Variants in DAGLA observed in about 807,000 individuals in gnomAD.
The protein encoded by DAGLA is diacylglycerol lipase alpha.
Under a neutral mutation model 102.6 loss-of-function variants are expected in DAGLA, and 22 were observed. The observed-to-expected ratio is 0.21, with a 90% CI of 0.15 to 0.31. The LOEUF is 0.31. DAGLA is among the 10% of genes least tolerant of loss of function. The pLI is 1.00. For synonymous variants in DAGLA, 578 were observed against 628.9 expected (o/e 0.92, Z 1.21); for missense variants, 927 against 1,446.6 (o/e 0.64, Z 5.83).
chr11:61,713,666 G>A (rs1427393317), intron 1 of DAGLA, among the ~76,000 whole-genome samples: 1 of 152,220 alleles, frequency 6.6e-6, no homozygotes, highest in Non-Finnish European at 1.5e-5. Context: ...GCCCAGCGAG[G>A]CCAGACAGCG....
rs745669936 is a variant in DAGLA, at chr11:61,744,118, C to G, written c.2758C>G (p.Leu920Val). The change falls in exon 20 of 20, where the codon CTC becomes GTC. Residue 920 changes from leucine to valine, a missense_variant. Leu to Val is a conservative substitution (Grantham distance 32). This residue lies in a region of DAGLA where 434 missense variants were observed against 503.3 expected (regional missense o/e 0.86). Transcript: ENST00000257215. The stretch of plus-strand genomic sequence containing the variant: ...GGAATTCGCCGAGTTCATCGACAGC[C>G]TCTTCAACCTGGACAGCAAGAGCAG... ...VLEFAEFIDS[L>V]FNLDSKSSSF... 6.2e-7 allele frequency: 1 copy of G among 1,613,048 alleles called. No homozygotes were observed. Among genetic ancestry groups the G allele is most frequent in the African/African-American group, 1.3e-5 (1 of 75,058 alleles).
intron 1 of DAGLA, among the ~76,000 whole-genome samples, chr11:61,697,501 C>A (rs1448173578): frequency 6.6e-6 from 1 of 152,032 alleles, no homozygotes; most frequent in Admixed American, 6.5e-5. Flanking sequence ...CACCAAGGCC[C>A]CAGGAGCCTG....
chr11:61,730,559 CT>C (rs1289109868), intron 8 of DAGLA, among the ~76,000 whole-genome samples: 1 of 152,178 alleles, frequency 6.6e-6, no homozygotes, highest in East Asian at 1.9e-4. Flanking sequence ...CTCCCGGTGC[CT>C]GGGGCACTCG....
At position 61,746,803 on chromosome 11, in the gene DAGLA, GC is replaced by G. The variant is rs1198805637; in HGVS notation, c.*2316del. ...CTCCATATGCAATCAGTAGCGAGCA[GC>G]CGGGCCCCACAGACCCTCATGCACT... On this transcript the variant is annotated 3_prime_UTR_variant, in exon 20 of 20. Transcript: ENST00000257215. 4.6e-5 allele frequency: 7 copies of G among 152,732 alleles called. No individual in the cohort carries two copies. In the South Asian group the frequency reaches 1.4e-3, roughly 32 times the overall value. 9.5% of individuals were successfully genotyped at this position (152,732 alleles called of 1,614,324 possible).
At chr11:61,707,270 C>T (rs572926629) in intron 1 of DAGLA, among the ~76,000 whole-genome samples, 3 of 152,334 alleles carry the variant, frequency 2.0e-5, no homozygotes, top group Admixed American at 6.5e-5. Flanking sequence ...CAAGGCTGGG[C>T]GAGTCTCTTG....
At chr11:61,742,502 G>A (rs1006993375) in intron 19 of DAGLA, among the ~76,000 whole-genome samples, 5 of 152,138 alleles carry the variant, frequency 3.3e-5, no homozygotes, top group Non-Finnish European at 5.9e-5. Context: ...GTCCATTTCC[G>A]GCTGCGGTGA....
intron 1 of DAGLA, among the ~76,000 whole-genome samples, chr11:61,713,914 A>C (rs902936194): frequency 6.6e-6 from 1 of 152,266 alleles, no homozygotes; most frequent in East Asian, 1.9e-4. Flanking sequence ...CCTCTCCACT[A>C]TTTTGGACCA....
chr11:61,684,959 A>G lies in DAGLA; in HGVS notation c.-45+4455A>G, dbSNP rs1257132277. Among the ~76,000 whole-genome samples, 4 of 152,088 alleles carry G rather than the reference A, an allele frequency of 2.6e-5. No individual in the cohort carries two copies. The highest frequency in any genetic ancestry group is 9.7e-5 in the African/African-American group (4 of 41,412). On this transcript the variant is annotated intron_variant, in intron 1 of 19. Coordinates refer to ENST00000257215, the MANE Select transcript of DAGLA (RefSeq NM_006133.3). The surrounding 1 kb of genome is among the most constrained non-coding windows in gnomAD (Gnocchi z 4.5). ...TACATGAGGAGCCGAGTGCTTTCTC[A>G]GTATTCCTTAGAAGGAAGCTGGGCT...
At position 61,737,284 on chromosome 11, in the gene DAGLA, C is replaced by T; in HGVS notation, c.1474C>T (p.Leu492Phe). The T allele has an allele frequency of 6.2e-7, 1 of 1,612,780 alleles. No individual in the cohort carries two copies. The highest frequency in any genetic ancestry group is 8.5e-7 in the Non-Finnish European group (1 of 1,180,026). The change falls in exon 14 of 20, where the codon CTC (leucine) becomes TTC (phenylalanine). Residue 492 changes from leucine (L) to phenylalanine (F), a missense_variant. Physicochemically the swap from Leu to Phe is conservative, Grantham distance 22. Transcript: ENST00000257215. Reference protein sequence around the residue: ...SFLLRPQYPTLKCFAYSPPGG... With the variant: ...SFLLRPQYPTFKCFAYSPPGG... Reference sequence around the variant, plus strand: ...CCTTCTGCGCCCACAGTATCCGACCCTCAAGTGCTTTGCCTACTCCCCGCC... The same window carrying T: ...CCTTCTGCGCCCACAGTATCCGACCTTCAAGTGCTTTGCCTACTCCCCGCC...
intron 6 of DAGLA, 83 bp from the exon 7 acceptor site, chr11:61,728,070 C>A: frequency 6.5e-7 from 1 of 1,532,130 alleles, no homozygotes. Flanking sequence ...CTGCAGCCTC[C>A]CAGCCCTGGG....
chr11:61,702,061 C>A (rs2065113909), intron 1 of DAGLA, among the ~76,000 whole-genome samples: 1 of 152,068 alleles, frequency 6.6e-6, no homozygotes, highest in East Asian at 1.9e-4. Flanking sequence ...TAAGCATGCA[C>A]CACCACATCT....
intron 1 of DAGLA, among the ~76,000 whole-genome samples, chr11:61,696,765 G>A (rs1225201422): frequency 6.6e-6 from 1 of 152,108 alleles, no homozygotes; most frequent in African/African-American, 2.4e-5. Context: ...AGCAGGCAGC[G>A]GCAGGCACTG....
At chr11:61,719,515 T>C (rs898552113) in intron 1 of DAGLA, among the ~76,000 whole-genome samples, 1 of 152,244 alleles carries the variant, frequency 6.6e-6, no homozygotes, top group African/African-American at 2.4e-5. Flanking sequence ...AGCAGGAAAC[T>C]GAAGCCTTCA....
intron 1 of DAGLA, among the ~76,000 whole-genome samples, chr11:61,710,846 G>A (rs908002468): frequency 1.3e-5 from 2 of 152,214 alleles, no homozygotes; most frequent in African/African-American, 2.4e-5. Context: ...AGCACTTTAT[G>A]TGCGTTATTT....
intron 13 of DAGLA, among the ~76,000 whole-genome samples, chr11:61,736,850 C>G (rs1171205709): frequency 6.6e-6 from 1 of 152,134 alleles, no homozygotes; most frequent in African/African-American, 2.4e-5. Context: ...GGTCAGGTAA[C>G]CACATGTTTA....
At chr11:61,691,032 G>A (rs72918054) in intron 1 of DAGLA, among the ~76,000 whole-genome samples, 7,032 of 50,980 alleles carry the variant, frequency 0.14, 225 homozygotes, top group Non-Finnish European at 0.26. Context: ...ACTCCAGATT[G>A]TTCTCTTTGC....
chr11:61,689,162 T>G (rs903545106), intron 1 of DAGLA, among the ~76,000 whole-genome samples: 1 of 152,252 alleles, frequency 6.6e-6, no homozygotes, highest in African/African-American at 2.4e-5. Flanking sequence ...TCCAAGCTCC[T>G]CCACTGCCCT....
In DAGLA at chr11:61,746,740, A is replaced by T. The variant is rs558372555; in HGVS notation, c.*2251A>T. 1.3e-5 allele frequency: 2 copies of T among 152,732 alleles called. No homozygotes were observed. The highest frequency in any genetic ancestry group is 4.1e-4 in the South Asian group (2 of 4,822). The allele number at this position is 152,732 out of a possible 1,614,324, so 9.5% of individuals were successfully genotyped here. On this transcript the variant is annotated 3_prime_UTR_variant, in exon 20 of 20. Transcript: ENST00000257215. ...CCCACTCCATCCCCAGACCTGCAGC[A>T]CAAGTGCGCGGGCCTGTCCTCCCAG...
At chr11:61,706,417 G>C (rs201537027) in intron 1 of DAGLA, among the ~76,000 whole-genome samples, 2 of 152,156 alleles carry the variant, frequency 1.3e-5, no homozygotes, top group African/African-American at 2.4e-5. Flanking sequence ...TGAACATGTC[G>C]AGGTGCAAGT....
Sources: gnomAD v4.1 joint callset for allele counts (sites outside exome capture counted in the v4.1 genomes callset) on GRCh38, gnomAD v4.1.1 for gene constraint, gnomAD v4.1.1 regional missense constraint, Gnocchi (gnomAD v3.1) non-coding constraint, MANE v1.5 for transcripts, NCBI Gene and HGNC (gene_info 2026-07-23, HGNC 2026-07-21) for gene names.